The following SH3PXD2A variants were observed in gnomAD, a reference collection of about 807,000 sequenced individuals.
SH3PXD2A encodes the protein SH3 and PX domain-containing protein 2A.
Under a neutral mutation model 115.2 loss-of-function variants are expected in SH3PXD2A, and 32 were observed. The ratio of observed to expected loss-of-function variants is 0.28; its 90% CI spans 0.21 to 0.37. The LOEUF (loss-of-function observed/expected upper bound fraction) is 0.37, where lower values mean the gene tolerates loss of function less well. SH3PXD2A is among the 10% of genes least tolerant of loss of function. SH3PXD2A has a pLI of 1.00. For synonymous variants in SH3PXD2A, 610 were observed against 629.1 expected (o/e 0.97, Z 0.45); for missense variants, 1,328 against 1,498.7 (o/e 0.89, Z 1.88).
At chr10:103,662,847 C>T (rs1317016816) in intron 7 of SH3PXD2A, among the ~76,000 whole-genome samples, 1 of 152,124 alleles carries the variant, frequency 6.6e-6, no homozygotes, top group East Asian at 1.9e-4. Flanking sequence ...CTTTGTTGCC[C>T]AGGCTGGAAT....
chr10:103,729,391 T>C (rs938449752), intron 4 of SH3PXD2A, among the ~76,000 whole-genome samples: 1 of 152,260 alleles, frequency 6.6e-6, no homozygotes, highest in African/African-American at 2.4e-5. Context: ...CAGCTCTAAC[T>C]GTTAATAGCT....
chr10:103,750,536 G>A (rs1038899826), intron 3 of SH3PXD2A, among the ~76,000 whole-genome samples: 2 of 152,142 alleles, frequency 1.3e-5, no homozygotes, highest in Non-Finnish European at 2.9e-5. Flanking sequence ...GAAGTGGAAG[G>A]GGATGGACAG....
At chr10:103,732,692 CA>C (rs2038335610) in intron 4 of SH3PXD2A, among the ~76,000 whole-genome samples, 1 of 152,204 alleles carries the variant, frequency 6.6e-6, no homozygotes, top group African/African-American at 2.4e-5. Context: ...TTTGAATTCC[CA>C]TCAAACCCCA....
chr10:103,722,582 G>A (rs1413406879), intron 5 of SH3PXD2A, among the ~76,000 whole-genome samples: 2 of 150,430 alleles, frequency 1.3e-5, no homozygotes, highest in Non-Finnish European at 2.9e-5. Flanking sequence ...GATTACAGGT[G>A]TGAGCCAATA....
chr10:103,829,433 A>T (rs1048412887), intron 1 of SH3PXD2A, among the ~76,000 whole-genome samples: 9 of 152,242 alleles, frequency 5.9e-5, no homozygotes, highest in African/African-American at 2.2e-4. Flanking sequence ...TTGTGAGGGT[A>T]AGAAGGTAAT....
intron 1 of SH3PXD2A, among the ~76,000 whole-genome samples, chr10:103,807,028 G>A (rs1390668155): frequency 6.6e-6 from 1 of 152,232 alleles, no homozygotes; most frequent in Non-Finnish European, 1.5e-5. Flanking sequence ...ACCAATGTCT[G>A]AGGTTTCCAA....
intron 1 of SH3PXD2A, among the ~76,000 whole-genome samples, chr10:103,847,953 CCA>C (rs1842863369): frequency 3.1e-3 from 6 of 1,956 alleles, no homozygotes; most frequent in Admixed American, 7.6e-3. Context: ...AAAAAAAAAA[CCA>C]ACTAAAACAA....
chr10:103,674,218 T>C (rs567650546), intron 6 of SH3PXD2A, among the ~76,000 whole-genome samples: 1 of 152,312 alleles, frequency 6.6e-6, no homozygotes, highest in South Asian at 2.1e-4. Context: ...CATCAAATAA[T>C]TAGGGCCTAA....
At chr10:103,842,178 C>CT (rs1309343293) in intron 1 of SH3PXD2A, among the ~76,000 whole-genome samples, 1 of 144,256 alleles carries the variant, frequency 6.9e-6, no homozygotes, top group Non-Finnish European at 1.5e-5. Flanking sequence ...ACATGCCTGT[C>CT]TCCCTCACCT....
At chr10:103,652,247 G>A (rs748387044) in intron 8 of SH3PXD2A, among the ~76,000 whole-genome samples, 1 of 152,234 alleles carries the variant, frequency 6.6e-6, no homozygotes, top group African/African-American at 2.4e-5. Flanking sequence ...GAACTCGGGG[G>A]TTCTATGAGC....
At chr10:103,824,709 C>T (rs975809751) in intron 1 of SH3PXD2A, among the ~76,000 whole-genome samples, 1 of 152,160 alleles carries the variant, frequency 6.6e-6, no homozygotes, top group Non-Finnish European at 1.5e-5. Context: ...ACCCTGCTCT[C>T]ATAAAATGTA....
chr10:103,607,566 G>A (rs1199156203), intron 13 of SH3PXD2A, among the ~76,000 whole-genome samples: 4 of 151,738 alleles, frequency 2.6e-5, no homozygotes, highest in Non-Finnish European at 4.4e-5. Flanking sequence ...CGCCCCGTCC[G>A]GGAGGTGAGG....
rs1288880439 is a variant in SH3PXD2A at position 103,596,227 on chromosome 10, C to T, written c.*5589G>A. 6.6e-6 allele frequency: 1 copy of T among 152,464 alleles called. No individual in the cohort carries two copies. The highest frequency in any genetic ancestry group is 2.4e-5 in the African/African-American group (1 of 41,442). 9.4% of individuals were successfully genotyped at this position (152,464 alleles called of 1,614,324 possible). A position where few individuals can be genotyped will look rare whatever the true frequency, so the allele number is the denominator to read the frequency against. On this transcript the variant is annotated 3_prime_UTR_variant, in exon 15 of 15. Transcript: ENST00000369774. ...TATAAGGGGCTTCTCATACCCATGGCATGGCTGAGGGGTGGGAGTCAGCCT... is the reference window on the plus strand; with the variant it reads ...TATAAGGGGCTTCTCATACCCATGGTATGGCTGAGGGGTGGGAGTCAGCCT...
chr10:103,791,296 A>G (rs1050176594), intron 2 of SH3PXD2A, among the ~76,000 whole-genome samples: 1 of 152,208 alleles, frequency 6.6e-6, no homozygotes. Context: ...CCTTGAGTCC[A>G]TTAGGAATAG....
At chr10:103,714,222 G>A (rs762438286) in intron 5 of SH3PXD2A, among the ~76,000 whole-genome samples, 6 of 152,202 alleles carry the variant, frequency 3.9e-5, no homozygotes, top group Non-Finnish European at 7.3e-5. Context: ...GGCTCCAAAG[G>A]GCTCTGTAGG....
intron 10 of SH3PXD2A, 110 bp from the exon 11 acceptor site, chr10:103,617,424 G>A (rs1463795878): frequency 1.1e-5 from 8 of 749,924 alleles, no homozygotes; most frequent in Non-Finnish European, 1.8e-5. Flanking sequence ...TTGCCAAGAA[G>A]GTCCACTGGG....
At chr10:103,823,524 C>T (rs144783215) in intron 1 of SH3PXD2A, among the ~76,000 whole-genome samples, 2 of 152,372 alleles carry the variant, frequency 1.3e-5, no homozygotes, top group South Asian at 2.1e-4. Flanking sequence ...AGGCTCTGCA[C>T]TGGAGACAGC....
At chr10:103,644,689 G>A (rs2037010404) in intron 8 of SH3PXD2A, among the ~76,000 whole-genome samples, 1 of 151,932 alleles carries the variant, frequency 6.6e-6, no homozygotes, top group African/African-American at 2.4e-5. Context: ...ACTATCCCCA[G>A]TAGAACTTAC....
Position 103,728,889 on chromosome 10 carries a change from G to GT in SH3PXD2A, c.307-4529dup, listed in dbSNP as rs199842369. 3.3e-3 allele frequency among the ~76,000 whole-genome samples: 478 copies of GT among 142,816 alleles called. 4 individuals are homozygous for GT. Among genetic ancestry groups the GT allele is most frequent in the African/African-American group, 0.012 (450 of 37,368 alleles). 93.7% of individuals were successfully genotyped at this position (142,816 alleles called of 152,430 possible). ...TAGCAAAGAGTTGTTTTTTTTGTTT[G>GT]TTTGTTTGTTTTTTTTTTTTTGAGA... On this transcript the variant is annotated intron_variant, in intron 4 of 14. Coordinates refer to ENST00000369774, the MANE Select transcript of SH3PXD2A (RefSeq NM_001394015.1).
Sources: allele counts gnomAD v4.1 joint callset (sites outside exome capture counted in the v4.1 genomes callset), GRCh38; gene constraint gnomAD v4.1.1; transcripts MANE v1.5; gene names NCBI Gene and HGNC (gene_info 2026-07-23, HGNC 2026-07-21).